Variants in PDE1A observed in about 807,000 individuals in gnomAD.
PDE1A encodes the protein phosphodiesterase 1A, also known as dual specificity calcium/calmodulin-dependent 3',5'-cyclic nucleotide phosphodiesterase 1A.
A neutral mutation model predicts 61.7 loss-of-function variants in PDE1A; 35 were observed. The observed-to-expected ratio is 0.57, with a 90% CI of 0.43 to 0.75. PDE1A has a LOEUF of 0.75. Among genes scored for constraint, PDE1A ranks in the 30% least tolerant of loss-of-function variants. The pLI, the probability that PDE1A is intolerant of heterozygous loss-of-function variation, is 0.00. For synonymous variants in PDE1A, 232 were observed against 213.2 expected (o/e 1.09, Z -0.77); for missense variants, 597 against 630.6 (o/e 0.95, Z 0.57).
chr2:182,369,808 G>A (rs910531006), intron 1 of PDE1A, among the ~76,000 whole-genome samples: 1 of 152,202 alleles, frequency 6.6e-6, no homozygotes, highest in Non-Finnish European at 1.5e-5. Flanking sequence ...TCAAAACCAA[G>A]TGTAGTGCAA....
In PDE1A at chr2:182,493,267, T is replaced by C. The variant is rs544944346; in HGVS notation, c.101+29009A>G. Among the ~76,000 whole-genome samples the C allele has an allele frequency of 1.4e-4, 21 of 150,464 alleles. No individual in the cohort carries two copies. The South Asian group carries it at 1.7e-3, about 12-fold the overall frequency. Reference sequence around the variant, plus strand: ...TTTTTGGAGAGACAGTGTCTTACTATACTGGTTAGGCTGGTCTTTTTTTAT... The same window carrying C: ...TTTTTGGAGAGACAGTGTCTTACTACACTGGTTAGGCTGGTCTTTTTTTAT... On this transcript the variant is annotated intron_variant, in intron 2 of 14. Coordinates refer to the PDE1A transcript ENST00000410103.
the PDE1A span, among the ~76,000 whole-genome samples, chr2:182,679,004 T>TC: frequency 1.0e-5 from 1 of 100,002 alleles, no homozygotes; most frequent in Admixed American, 1.0e-4. Context: ...CTTTGGTTTC[T>TC]CTTTTTTTTT....
At chr2:182,519,991 G>T (rs1034256588) in intron 2 of PDE1A, among the ~76,000 whole-genome samples, 1 of 151,808 alleles carries the variant, frequency 6.6e-6, no homozygotes, top group African/African-American at 2.4e-5. Flanking sequence ...GCAAAAATAA[G>T]AAAACTATTG....
the PDE1A span, among the ~76,000 whole-genome samples, chr2:182,665,706 C>T: frequency 6.6e-6 from 1 of 152,128 alleles, no homozygotes; most frequent in Non-Finnish European, 1.5e-5. Context: ...CCCAGCAATT[C>T]CATTACTGGG....
At chr2:182,553,272 T>A in the PDE1A span, among the ~76,000 whole-genome samples, 1 of 152,156 alleles carries the variant, frequency 6.6e-6, no homozygotes, top group Admixed American at 6.5e-5. Flanking sequence ...CTCGCCACCA[T>A]CTTGGGTGCT....
exon 6 of PDE1A, chr2:182,230,055 G>A (rs771694320): frequency 1.2e-6 from 2 of 1,612,554 alleles, no homozygotes; most frequent in Admixed American, 3.3e-5. Context: ...AGTGACATCA[G>A]CTGCATGAAT....
chr2:182,244,021 C>T (rs989373079), intron 2 of PDE1A, among the ~76,000 whole-genome samples: 1 of 152,138 alleles, frequency 6.6e-6, no homozygotes, highest in Non-Finnish European at 1.5e-5. Context: ...GCACGTGCCA[C>T]CACGCCTGGC....
intron 1 of PDE1A, among the ~76,000 whole-genome samples, chr2:182,307,752 A>G (rs1177156354): frequency 6.6e-6 from 1 of 152,168 alleles, no homozygotes; most frequent in African/African-American, 2.4e-5. Flanking sequence ...TTACACTTAT[A>G]GTCCTAGCTA....
At chr2:182,144,037 T>G (rs1420722558), downstream of PDE1A, among the ~76,000 whole-genome samples, 1 of 152,180 alleles carries the variant, frequency 6.6e-6, no homozygotes, top group Non-Finnish European at 1.5e-5. Context: ...TCACAGGGAC[T>G]GTAGTCAACT....
the PDE1A span, among the ~76,000 whole-genome samples, chr2:182,617,066 C>T: frequency 6.6e-6 from 1 of 152,198 alleles, no homozygotes; most frequent in Admixed American, 6.5e-5. Context: ...GAGGTAACCT[C>T]TATGTCCTTG....
chr2:182,367,902 T>C (rs142102089), intron 1 of PDE1A, among the ~76,000 whole-genome samples: 8 of 152,226 alleles, frequency 5.3e-5, no homozygotes, highest in African/African-American at 9.6e-5. Flanking sequence ...ATTTAATGTA[T>C]AGAACTTGAT....
At chr2:182,539,341 T>G in the PDE1A span, among the ~76,000 whole-genome samples, 1 of 152,188 alleles carries the variant, frequency 6.6e-6, no homozygotes, top group Non-Finnish European at 1.5e-5. Context: ...TTCCCTGTCC[T>G]CCCACTAGCT....
chr2:182,428,370 C>A (rs1241169088), upstream of PDE1A, among the ~76,000 whole-genome samples: 2 of 151,986 alleles, frequency 1.3e-5, no homozygotes, highest in African/African-American at 2.4e-5. Context: ...AGTTATGATG[C>A]CTGATACTTC....
rs202020375 is a variant in PDE1A, at chr2:182,244,203, A to AT, written c.168-3912dup. On this transcript the variant is annotated intron_variant, in intron 2 of 13. Coordinates refer to ENST00000351439, the Ensembl canonical transcript of PDE1A. ...TTATTAATGTTTTCTCAGACTATACATTTTTTTCTGTTCCATTTGTTTGGT... is the reference window on the plus strand; with the variant it reads ...TTATTAATGTTTTCTCAGACTATACATTTTTTTTCTGTTCCATTTGTTTGGT... Among the ~76,000 whole-genome samples, 613 of 151,930 alleles carry AT rather than the reference A, an allele frequency of 4.0e-3. 4 individuals are homozygous for AT. Among genetic ancestry groups the AT allele is most frequent in the African/African-American group, 0.014 (572 of 41,404 alleles).
chr2:182,359,259 T>C (rs1417659723), intron 1 of PDE1A, among the ~76,000 whole-genome samples: 1 of 152,076 alleles, frequency 6.6e-6, no homozygotes, highest in African/African-American at 2.4e-5. Context: ...TGAAGCAAAA[T>C]TTAAGTACAC....
intron 12 of PDE1A, among the ~76,000 whole-genome samples, 181 bp downstream of exon 12, chr2:182,186,287 T>C (rs1685198712): frequency 6.6e-6 from 1 of 152,172 alleles, no homozygotes; most frequent in South Asian, 2.1e-4. Context: ...ATTTCATATT[T>C]TGTGTATTAA....
chr2:182,560,222 C>G, the PDE1A span, among the ~76,000 whole-genome samples: 1 of 114,646 alleles, frequency 8.7e-6, no homozygotes, highest in African/African-American at 3.3e-5. Context: ...CCTCCCCCCA[C>G]CCCACAACAG....
At chr2:182,610,683 A>G in the PDE1A span, among the ~76,000 whole-genome samples, 60,894 of 152,044 alleles carry the variant, frequency 0.4, 13,645 homozygotes, top group East Asian at 0.58. Flanking sequence ...AAGAGAATAA[A>G]AAGTATGTCA....
chr2:182,269,747 T>C (rs750854437), intron 1 of PDE1A, among the ~76,000 whole-genome samples: 6 of 152,072 alleles, frequency 3.9e-5, no homozygotes, highest in Non-Finnish European at 7.4e-5. Context: ...AAAGCAAGAA[T>C]CAGGGAAGAA....
Sources: allele counts gnomAD v4.1 joint callset (sites outside exome capture counted in the v4.1 genomes callset), GRCh38; gene constraint gnomAD v4.1.1; transcripts MANE v1.5; gene names NCBI Gene and HGNC (gene_info 2026-07-23, HGNC 2026-07-21).